Variants in UNC13C observed in about 807,000 individuals in gnomAD.
UNC13C encodes the protein protein unc-13 homolog C.
Under a neutral mutation model 245.4 loss-of-function variants are expected in UNC13C, and 174 were observed. That is an observed-to-expected ratio of 0.71 (90% CI 0.63 to 0.80). The LOEUF (loss-of-function observed/expected upper bound fraction) is 0.80, where lower values mean the gene tolerates loss of function less well. Ranked by LOEUF, UNC13C falls within the 30% of genes least tolerant of loss-of-function variation. The pLI, the probability that UNC13C is intolerant of heterozygous loss-of-function variation, is 0.00. For missense variants in UNC13C, 2,829 were observed against 2,602.9 expected (o/e 1.09, Z -1.89); for synonymous variants, 992 against 895.1 (o/e 1.11, Z -1.93).
At chr15:53,902,264 T>G in the UNC13C span, among the ~76,000 whole-genome samples, 1 of 152,152 alleles carries the variant, frequency 6.6e-6, no homozygotes. Context: ...TAATACTCCC[T>G]AACCCTAATC....
Position 54,598,234 on chromosome 15 carries a change from A to G in UNC13C, c.6107-24093A>G, listed in dbSNP as rs376059711. Among the ~76,000 whole-genome samples, 3 of 152,308 alleles carry G rather than the reference A, an allele frequency of 2.0e-5. No individual in the cohort carries two copies. In the East Asian group the frequency reaches 5.8e-4, roughly 29 times the overall value. ...CAGCCTCCCGAGTAGCTGGGATTAC[A>G]GGTGCATGCCACCACACCCGGCTAA... On this transcript the variant is annotated intron_variant, in intron 30 of 32. Transcript: ENST00000260323.
the UNC13C span, among the ~76,000 whole-genome samples, chr15:53,883,410 G>A: frequency 6.6e-6 from 1 of 152,186 alleles, no homozygotes; most frequent in Middle Eastern, 3.2e-3. Context: ...CATGTCTCAT[G>A]TTTTGGGGCG....
chr15:53,977,962 G>GA (rs1211685695), upstream of UNC13C, among the ~76,000 whole-genome samples: 1 of 152,094 alleles, frequency 6.6e-6, no homozygotes, highest in Non-Finnish European at 1.5e-5. Flanking sequence ...AAAATAAGAG[G>GA]AAAAACCAAC....
chr15:54,583,988 G>T (rs1257254507), intron 30 of UNC13C, among the ~76,000 whole-genome samples: 1 of 152,206 alleles, frequency 6.6e-6, no homozygotes, highest in Admixed American at 6.5e-5. Context: ...GTGGCCTCCA[G>T]ACTTCCCCTC....
chr15:54,223,208 G>T (rs2035279383), intron 4 of UNC13C, among the ~76,000 whole-genome samples: 1 of 151,988 alleles, frequency 6.6e-6, no homozygotes, highest in Non-Finnish European at 1.5e-5. Flanking sequence ...TTTTCTTCTA[G>T]TAGTTTTATA....
chr15:54,224,776 C>G (rs1445685469), intron 4 of UNC13C, among the ~76,000 whole-genome samples: 2 of 152,092 alleles, frequency 1.3e-5, no homozygotes, highest in Non-Finnish European at 2.9e-5. Flanking sequence ...CATCAGGTCC[C>G]AGGCTTTTCT....
At chr15:54,171,754 T>G (rs2141285143) in intron 4 of UNC13C, among the ~76,000 whole-genome samples, 1 of 152,240 alleles carries the variant, frequency 6.6e-6, no homozygotes, top group Admixed American at 6.5e-5. Flanking sequence ...CACTGCTAGG[T>G]ATATACCCAA....
chr15:54,224,200 T>C (rs1471874777), intron 4 of UNC13C, among the ~76,000 whole-genome samples: 1 of 152,134 alleles, frequency 6.6e-6, no homozygotes, highest in Non-Finnish European at 1.5e-5. Context: ...TGGGCATCCT[T>C]GTGGTGTTAC....
In UNC13C at chr15:54,264,103, C is replaced by T. The variant is rs1377699894; in HGVS notation, c.3449-65C>T. The T allele has an allele frequency of 2.0e-6, 3 of 1,477,028 alleles. No individual in the cohort carries two copies. In the African/African-American group the frequency reaches 4.2e-5, roughly 21 times the overall value. The allele number at this position is 1,477,028 out of a possible 1,614,324, so 91.5% of individuals were successfully genotyped here. A position where few individuals can be genotyped will look rare whatever the true frequency, so the allele number is the denominator to read the frequency against. On this transcript the variant is annotated intron_variant, in intron 8 of 32. Coordinates refer to ENST00000260323, the MANE Select transcript of UNC13C (RefSeq NM_001080534.3). Reference sequence around the variant, plus strand: ...TTCTCACTTCCTCCTCCTTTTCCTCCCTCCTTTAGCCATCAAAAAGTAATG... The same window carrying T: ...TTCTCACTTCCTCCTCCTTTTCCTCTCTCCTTTAGCCATCAAAAAGTAATG...
intron 2 of UNC13C, among the ~76,000 whole-genome samples, chr15:54,047,471 G>A (rs997552906): frequency 6.6e-6 from 1 of 151,934 alleles, no homozygotes; most frequent in Non-Finnish European, 1.5e-5. Flanking sequence ...ATATGATCTT[G>A]CCTATGCTAG....
chr15:53,993,933 T>C (rs1440838698), intron 1 of UNC13C, among the ~76,000 whole-genome samples: 1 of 152,100 alleles, frequency 6.6e-6, no homozygotes, highest in Non-Finnish European at 1.5e-5. Context: ...AGATTTTACC[T>C]TCCTTTGTGA....
intron 2 of UNC13C, among the ~76,000 whole-genome samples, chr15:54,103,724 A>G (rs934514336): frequency 2.0e-5 from 3 of 152,006 alleles, no homozygotes; most frequent in Non-Finnish European, 4.4e-5. Flanking sequence ...TGTTTTCCAA[A>G]CACATAGATC....
At chr15:54,437,784 C>G (rs1465989796) in intron 19 of UNC13C, among the ~76,000 whole-genome samples, 1 of 151,848 alleles carries the variant, frequency 6.6e-6, no homozygotes. Context: ...CAGAGTATAT[C>G]CAGTATGGTT....
chr15:54,117,565 C>CTA, intron 2 of UNC13C, among the ~76,000 whole-genome samples: 1 of 128,780 alleles, frequency 7.8e-6, no homozygotes. Context: ...CTCTCTCTCT[C>CTA]TCATTTTCTC....
chr15:54,146,987 C>G (rs781342589), intron 4 of UNC13C, among the ~76,000 whole-genome samples: 3 of 152,164 alleles, frequency 2.0e-5, no homozygotes, highest in Non-Finnish European at 2.9e-5. Flanking sequence ...TTAGATGAGT[C>G]TTTCATTGGG....
intron 10 of UNC13C, among the ~76,000 whole-genome samples, chr15:54,288,528 G>A (rs978613034): frequency 5.9e-5 from 9 of 151,822 alleles, no homozygotes; most frequent in African/African-American, 2.2e-4. Context: ...GTGAGTGCAG[G>A]GACCCAGGAA....
intron 13 of UNC13C, among the ~76,000 whole-genome samples, chr15:54,315,485 T>C (rs561842956): frequency 1.3e-5 from 2 of 151,786 alleles, no homozygotes; most frequent in South Asian, 2.1e-4. Context: ...GTCTCAATTA[T>C]AGAATTTACT....
intron 2 of UNC13C, among the ~76,000 whole-genome samples, chr15:54,068,099 G>C (rs1898152613): frequency 6.6e-6 from 1 of 152,146 alleles, no homozygotes; most frequent in South Asian, 2.1e-4. Flanking sequence ...TGATTTTTCA[G>C]GAGGGCCTTT....
At chr15:54,616,898 CTTGTT>C (rs1900474725) in intron 30 of UNC13C, among the ~76,000 whole-genome samples, 1 of 151,904 alleles carries the variant, frequency 6.6e-6, no homozygotes, top group African/African-American at 2.4e-5. Flanking sequence ...ATATAGGTGT[CTTGTT>C]TTTATGTTTT....
Sources: gnomAD v4.1 joint callset for allele counts (sites outside exome capture counted in the v4.1 genomes callset) on GRCh38, gnomAD v4.1.1 for gene constraint, MANE v1.5 for transcripts, NCBI Gene and HGNC (gene_info 2026-07-23, HGNC 2026-07-21) for gene names.